The following DIP2C variants were observed in gnomAD, a reference collection of about 807,000 sequenced individuals.
DIP2C encodes the protein DIP2 acetate--CoA ligase C (putative), also known as disco-interacting protein 2 homolog C.
Under a neutral mutation model 192.4 loss-of-function variants are expected in DIP2C, and 33 were observed. That is an observed-to-expected ratio of 0.17 (90% CI 0.13 to 0.23). The LOEUF is 0.23. Among genes scored for constraint, DIP2C ranks in the 10% least tolerant of loss-of-function variants. The pLI is 1.00. For missense variants in DIP2C, 1,537 were observed against 2,110.1 expected (o/e 0.73, Z 5.32); for synonymous variants, 979 against 864.1 (o/e 1.13, Z -2.33).
chr10:553,972 T>C (rs1285991786), intron 1 of DIP2C, among the ~76,000 whole-genome samples: 2 of 151,048 alleles, frequency 1.3e-5, no homozygotes, highest in Non-Finnish European at 3.0e-5. Context: ...ACGTATACGC[T>C]TGTAACTGTA....
chr10:314,505 TGA>T (rs978802577), intron 31 of DIP2C, among the ~76,000 whole-genome samples: 22 of 152,322 alleles, frequency 1.4e-4, no homozygotes, highest in African/African-American at 5.3e-4. Context: ...TAAAGAAGCC[TGA>T]GAGGGAGGTT....
chr10:540,577 C>T (rs535075403), intron 1 of DIP2C, among the ~76,000 whole-genome samples: 3 of 152,184 alleles, frequency 2.0e-5, no homozygotes, highest in Non-Finnish European at 4.4e-5. Context: ...AGGAGGAAAG[C>T]TAGTGTTTGG....
chr10:545,718 C>A (rs760802059), intron 1 of DIP2C, among the ~76,000 whole-genome samples: 71 of 152,214 alleles, frequency 4.7e-4, no homozygotes, highest in Non-Finnish European at 1.8e-4. Flanking sequence ...ACAGTATCGA[C>A]TCTTACACTG....
chr10:600,050 C>T (rs571673397), intron 1 of DIP2C, among the ~76,000 whole-genome samples: 30 of 152,308 alleles, frequency 2.0e-4, no homozygotes, highest in Admixed American at 1.8e-3. Flanking sequence ...CACTTCATTC[C>T]CCGGGCCCAG....
At position 527,847 on chromosome 10, in the gene DIP2C, G is replaced by A. The variant is rs142161789; in HGVS notation, c.86-41317C>T. Among the ~76,000 whole-genome samples the A allele has an allele frequency of 3.8e-3, 578 of 152,294 alleles. 1 individual carries two copies. Among genetic ancestry groups the A allele is most frequent in the South Asian group, 5.4e-3 (26 of 4,828 alleles). Reference sequence around the variant, plus strand: ...AATGGCATAATCAGCCATCCTTCCCGTCCCTGGGCCAGCTGCGGTGAGTGC... The same window carrying A: ...AATGGCATAATCAGCCATCCTTCCCATCCCTGGGCCAGCTGCGGTGAGTGC... On this transcript the variant is annotated intron_variant, in intron 1 of 36. Coordinates refer to ENST00000280886, the MANE Select transcript of DIP2C (RefSeq NM_014974.3).
At chr10:663,002 AG>A (rs1299343476) in intron 1 of DIP2C, 14 of 710,784 alleles carry the variant, frequency 2.0e-5, no homozygotes, top group African/African-American at 1.6e-4. Context: ...GTCACACAAA[AG>A]GGTTTCTATG....
chr10:321,634 C>CGGGGG, intron 31 of DIP2C, among the ~76,000 whole-genome samples: 1 of 94,286 alleles, frequency 1.1e-5, no homozygotes, highest in Admixed American at 1.1e-4. Context: ...GGGTGCGGGG[C>CGGGGG]TCCGGCGAGA....
At chr10:573,900 G>T (rs1371906132) in intron 1 of DIP2C, among the ~76,000 whole-genome samples, 1 of 152,164 alleles carries the variant, frequency 6.6e-6, no homozygotes, top group Admixed American at 6.5e-5. Context: ...GTTCTATAAA[G>T]TGGTACCATG....
intron 3 of DIP2C, among the ~76,000 whole-genome samples, chr10:456,376 A>G (rs934460355): frequency 4.3e-5 from 6 of 137,992 alleles, no homozygotes; most frequent in Non-Finnish European, 7.5e-5. Context: ...TGAGATGAGA[A>G]CACTCTGCAG....
rs377380056 is a variant in DIP2C, at chr10:554,385, C to A, written c.86-67855G>T. 1.4e-4 allele frequency among the ~76,000 whole-genome samples: 21 copies of A among 152,300 alleles called. No homozygotes were observed. In the South Asian group the frequency reaches 4.2e-3, roughly 30 times the overall value. ...ATAAATGTTTCCTGGAGAAAGTAACCTTTTCTACAGTGATATCTGATCCTT... is the reference window on the plus strand; with the variant it reads ...ATAAATGTTTCCTGGAGAAAGTAACATTTTCTACAGTGATATCTGATCCTT... On this transcript the variant is annotated intron_variant, in intron 1 of 36. Transcript: ENST00000280886.
chr10:293,852 C>G (rs76508866), intron 32 of DIP2C, among the ~76,000 whole-genome samples: 4 of 152,170 alleles, frequency 2.6e-5, no homozygotes, highest in Non-Finnish European at 5.9e-5. Context: ...ACAAAAGCTA[C>G]AGACACTGCA....
At chr10:670,436 T>A (rs1380319076) in intron 1 of DIP2C, among the ~76,000 whole-genome samples, 1 of 152,174 alleles carries the variant, frequency 6.6e-6, no homozygotes, top group Non-Finnish European at 1.5e-5. Context: ...AAAATTCTGA[T>A]GCAAACAAGA....
In DIP2C at chr10:349,469, CAG is replaced by C. The variant is rs1335109305; in HGVS notation, c.2986-17_2986-16del. The C allele has an allele frequency of 1.3e-6, 2 of 1,593,710 alleles. No individual in the cohort carries two copies. The highest frequency in any genetic ancestry group is 1.7e-5 in the Admixed American group (1 of 59,804). ...GCTATCGCACCCTGCGGGCCGATCACAGGGACAAGCACATAAGATTCCTTCAG... is the reference window on the plus strand; with the variant it reads ...GCTATCGCACCCTGCGGGCCGATCACGGACAAGCACATAAGATTCCTTCAG... On this transcript the variant is annotated splice_polypyrimidine_tract_variant and intron_variant, in intron 24 of 36. Coordinates refer to ENST00000280886, the MANE Select transcript of DIP2C (RefSeq NM_014974.3).
At chr10:664,351 G>A (rs142753424) in intron 1 of DIP2C, 4 of 152,338 alleles carry the variant, frequency 2.6e-5, no homozygotes, top group South Asian at 2.1e-4. Context: ...GAGATTCACC[G>A]AAATTCTGTG....
intron 1 of DIP2C, among the ~76,000 whole-genome samples, chr10:553,575 A>G (rs1360591884): frequency 6.6e-6 from 1 of 152,284 alleles, no homozygotes; most frequent in Non-Finnish European, 1.5e-5. Flanking sequence ...CCAATCATTC[A>G]AACAAGTATC....
intron 3 of DIP2C, among the ~76,000 whole-genome samples, chr10:464,142 A>T (rs1005858406): frequency 2.0e-5 from 3 of 152,214 alleles, no homozygotes; most frequent in Non-Finnish European, 4.4e-5. Flanking sequence ...AAAATTGACA[A>T]ATGGCATCTA....
In DIP2C at chr10:537,990, A is replaced by G. The variant is rs554979751; in HGVS notation, c.86-51460T>C. 6.6e-5 allele frequency among the ~76,000 whole-genome samples: 10 copies of G among 152,056 alleles called. No individual in the cohort carries two copies. The East Asian group carries it at 1.9e-3, about 30-fold the overall frequency. ...TTTTTGGTAGAGACAGGGTTTCTCC[A>G]TGTTGGCCAATCTGGTCTTGAACTC... On this transcript the variant is annotated intron_variant, in intron 1 of 36. Coordinates refer to ENST00000280886, the MANE Select transcript of DIP2C (RefSeq NM_014974.3).
intron 1 of DIP2C, among the ~76,000 whole-genome samples, chr10:606,028 C>A (rs550582453): frequency 1.3e-5 from 2 of 152,348 alleles, no homozygotes. Flanking sequence ...CACTCCACGC[C>A]GGGGTCCGAC....
Position 501,106 on chromosome 10 carries a change from C to A in DIP2C, c.86-14576G>T, listed in dbSNP as rs183215741. 2.6e-5 allele frequency among the ~76,000 whole-genome samples: 4 copies of A among 152,334 alleles called. No homozygotes were observed. The East Asian group carries it at 7.7e-4, about 29-fold the overall frequency. ...GCTGCGGGCAACCCTCCAGGAAACA[C>A]TGAGGCTTCCTGTGCACTAATTCAC... On this transcript the variant is annotated intron_variant, in intron 1 of 36. Transcript: ENST00000280886.
Sources: allele counts gnomAD v4.1 joint callset (sites outside exome capture counted in the v4.1 genomes callset), GRCh38; gene constraint gnomAD v4.1.1; transcripts MANE v1.5; gene names NCBI Gene and HGNC (gene_info 2026-07-23, HGNC 2026-07-21).